NRG1: variants seen among roughly 807,000 people sequenced by gnomAD.
NRG1 encodes the protein neuregulin 1, also known as pro-neuregulin-1, membrane-bound isoform.
Under a neutral mutation model 63.8 loss-of-function variants are expected in NRG1, and 18 were observed. The ratio of observed to expected loss-of-function variants is 0.28; its 90% confidence interval spans 0.19 to 0.42. NRG1 has a LOEUF of 0.42. Among genes scored for constraint, NRG1 ranks in the 10% least tolerant of loss-of-function variants. The pLI, the probability that NRG1 is intolerant of heterozygous loss-of-function variation, is 1.00. For missense variants in NRG1, 762 were observed against 814.7 expected (o/e 0.94, Z 0.79); for synonymous variants, 302 against 301.3 (o/e 1.00, Z -0.02).
intron 1 of NRG1, among the ~76,000 whole-genome samples, chr8:32,116,208 C>T (rs182981848): frequency 5.3e-5 from 8 of 152,226 alleles, no homozygotes; most frequent in Non-Finnish European, 7.4e-5. Context: ...CTCTGTCTCC[C>T]GCCTTCTTTT....
intron 5 of NRG1, among the ~76,000 whole-genome samples, chr8:32,725,429 G>A (rs1374958481): frequency 6.9e-6 from 1 of 144,358 alleles, no homozygotes; most frequent in Non-Finnish European, 1.5e-5. Flanking sequence ...AAGCCTTTCA[G>A]CACAAAACCT....
chr8:32,670,275 T>A (rs1262013399), intron 5 of NRG1, among the ~76,000 whole-genome samples: 3 of 152,138 alleles, frequency 2.0e-5, no homozygotes, highest in Non-Finnish European at 4.4e-5. Context: ...TTAGGACAAA[T>A]CGCATTCCAG....
chr8:32,553,548 G>A lies in NRG1; in HGVS notation c.100+4722G>A, dbSNP rs1187365623. Reference sequence around the variant, plus strand: ...CTAAATATTGAAAGTAGAGTGAGGTGCAACATAATTTTATCTCTGGCAGAA... The same window carrying A: ...CTAAATATTGAAAGTAGAGTGAGGTACAACATAATTTTATCTCTGGCAGAA... On this transcript the variant is annotated intron_variant, in intron 1 of 11. Transcript: ENST00000356819. Among the ~76,000 whole-genome samples, 5 of 152,098 alleles carry A rather than the reference G, an allele frequency of 3.3e-5. No homozygotes were observed. The East Asian group carries it at 9.6e-4, about 29-fold the overall frequency.
intron 1 of NRG1, among the ~76,000 whole-genome samples, chr8:31,793,736 G>T (rs1326687750): frequency 6.6e-6 from 1 of 152,138 alleles, no homozygotes; most frequent in Non-Finnish European, 1.5e-5. Flanking sequence ...TATAATCCAT[G>T]GGAAGACAAG....
At chr8:32,705,055 C>T (rs1008247322) in intron 5 of NRG1, among the ~76,000 whole-genome samples, 13 of 151,870 alleles carry the variant, frequency 8.6e-5, no homozygotes, top group Admixed American at 7.2e-4. Context: ...CTTTGGTAGC[C>T]ACTTGAATTT....
chr8:32,047,702 A>G (rs1307144477), intron 1 of NRG1, among the ~76,000 whole-genome samples: 1 of 152,010 alleles, frequency 6.6e-6, no homozygotes, highest in Non-Finnish European at 1.5e-5. Context: ...TCAAATATAT[A>G]TACATTATGA....
intron 1 of NRG1, among the ~76,000 whole-genome samples, chr8:32,331,079 CT>C (rs1205055496): frequency 6.6e-6 from 1 of 151,828 alleles, no homozygotes; most frequent in East Asian, 1.9e-4. Context: ...TTCCTTTTGC[CT>C]TTTTGTGGCG....
chr8:32,506,499 C>T (rs907453981), intron 1 of NRG1, among the ~76,000 whole-genome samples: 1 of 152,094 alleles, frequency 6.6e-6, no homozygotes, highest in Non-Finnish European at 1.5e-5. Context: ...ACAAACAACA[C>T]AAAAGACAGA....
rs375861946 is a variant in NRG1 at position 31,830,302 on chromosome 8, TTTCCTTCCTTCCTTCCTTCCTTCCTTCC to T, written c.37+190904_37+190931del. 4.8e-3 allele frequency among the ~76,000 whole-genome samples: 593 copies of T among 122,740 alleles called. 5 individuals are homozygous for T. The highest frequency in any genetic ancestry group is 0.018 in the African/African-American group (551 of 31,202). The allele number at this position is 122,740 out of a possible 152,430, so 80.5% of individuals were successfully genotyped here. On this transcript the variant is annotated intron_variant, in intron 1 of 10. Transcript: ENST00000519301. ...TATTTTTGATGCAGTGCTCTTCTTT[TTTCCTTCCTTCCTTCCTTCCTTCCTTCC>T]TTCCTTCCTTCCTTCCTTCCTTCCT... is the stretch of plus-strand genomic sequence containing the variant.
chr8:31,648,781 A>G (rs1324846416), intron 1 of NRG1, among the ~76,000 whole-genome samples: 1 of 152,172 alleles, frequency 6.6e-6, no homozygotes, highest in Admixed American at 6.5e-5. Flanking sequence ...TGTAAATAAC[A>G]CATTTTGTTT....
At chr8:32,360,460 A>G (rs1807060089) in intron 1 of NRG1, among the ~76,000 whole-genome samples, 2 of 152,206 alleles carry the variant, frequency 1.3e-5, no homozygotes, top group Non-Finnish European at 2.9e-5. Flanking sequence ...AATTCAGCCA[A>G]AAAATAGTAG....
chr8:32,694,099 A>G (rs1292395632), intron 5 of NRG1, among the ~76,000 whole-genome samples: 3 of 152,190 alleles, frequency 2.0e-5, no homozygotes, highest in Non-Finnish European at 2.9e-5. Flanking sequence ...TACCAGGTAG[A>G]GACTAGTGTA....
chr8:32,299,734 G>C (rs1188317789), intron 1 of NRG1, among the ~76,000 whole-genome samples: 1 of 152,136 alleles, frequency 6.6e-6, no homozygotes, highest in African/African-American at 2.4e-5. Context: ...AGTCAAGAGG[G>C]CATGTGCAGA....
chr8:32,670,099 T>G (rs923487174), intron 5 of NRG1, among the ~76,000 whole-genome samples: 4 of 152,336 alleles, frequency 2.6e-5, no homozygotes, highest in South Asian at 2.1e-4. Context: ...TAAAAAGTAC[T>G]TCTCTTGATT....
intron 6 of NRG1, among the ~76,000 whole-genome samples, chr8:32,734,063 G>A (rs1485359890): frequency 6.6e-6 from 1 of 152,270 alleles, no homozygotes; most frequent in Admixed American, 6.5e-5. Flanking sequence ...TAGCTAACAG[G>A]GAGCCATAGT....
intron 5 of NRG1, among the ~76,000 whole-genome samples, chr8:32,710,782 T>G (rs935815641): frequency 6.6e-6 from 1 of 152,200 alleles, no homozygotes; most frequent in Non-Finnish European, 1.5e-5. Context: ...AGTTTTCTAG[T>G]GTTTAGGAAA....
intron 1 of NRG1, among the ~76,000 whole-genome samples, chr8:32,060,414 C>A (rs1823651495): frequency 6.6e-6 from 1 of 151,886 alleles, no homozygotes; most frequent in Non-Finnish European, 1.5e-5. Flanking sequence ...GAGCCTCCAC[C>A]ATAAAAGAAT....
At chr8:32,259,607 A>C (rs1340698971) in intron 1 of NRG1, among the ~76,000 whole-genome samples, 1 of 152,194 alleles carries the variant, frequency 6.6e-6, no homozygotes, top group African/African-American at 2.4e-5. Flanking sequence ...AGGAAGACAC[A>C]TAATTACCCT....
chr8:32,133,989 A>G (rs1835182608), intron 1 of NRG1, among the ~76,000 whole-genome samples: 1 of 152,150 alleles, frequency 6.6e-6, no homozygotes, highest in South Asian at 2.1e-4. Context: ...AACTTTATTA[A>G]CTTAAAAACA....
Sources: gnomAD v4.1 joint callset for allele counts (sites outside exome capture counted in the v4.1 genomes callset) on GRCh38, gnomAD v4.1.1 for gene constraint, MANE v1.5 for transcripts, NCBI Gene and HGNC (gene_info 2026-07-23, HGNC 2026-07-21) for gene names.